CEP135: variants seen among roughly 807,000 people sequenced by gnomAD.
CEP135 encodes the protein centrosomal protein of 135 kDa.
In CEP135, 142 loss-of-function variants were observed where a neutral mutation model predicts 157.3. That is an observed-to-expected ratio of 0.90 (90% CI 0.79 to 1.04). The LOEUF (loss-of-function observed/expected upper bound fraction) is 1.04. Among genes scored for constraint, CEP135 ranks in the 50% least tolerant of loss-of-function variants. CEP135 has a pLI of 0.00. For missense variants in CEP135, 1,317 were observed against 1,309.2 expected, an observed-to-expected ratio of 1.01 and a Z score of -0.09; for synonymous variants, 396 against 439.8, an observed-to-expected ratio of 0.90 and a Z score of 1.25.
intron 13 of CEP135, among the ~76,000 whole-genome samples, chr4:55,983,986 C>G (rs1282497526): frequency 6.6e-6 from 1 of 152,202 alleles, no homozygotes; most frequent in Non-Finnish European, 1.5e-5. Context: ...TCCCCTGCTA[C>G]CATCCTGTTC....
chr4:55,961,101 C>CAA (rs59483327), intron 6 of CEP135, among the ~76,000 whole-genome samples: 110 of 69,928 alleles, frequency 1.6e-3, no homozygotes, highest in African/African-American at 4.1e-3. Context: ...GACTCTGTCT[C>CAA]AAAAAAAAAA....
chr4:56,001,980 T>C (rs1428308397), intron 17 of CEP135, among the ~76,000 whole-genome samples: 1 of 152,124 alleles, frequency 6.6e-6, no homozygotes, highest in Non-Finnish European at 1.5e-5. Flanking sequence ...GTTAAATTGA[T>C]TCCTGGGTGT....
rs754314291 is a variant in CEP135, at chr4:55,954,278, C to G, written c.367C>G (p.Gln123Glu). 1 of 1,609,020 alleles carries G rather than the reference C, an allele frequency of 6.2e-7. No homozygotes were observed. The highest frequency in any genetic ancestry group is 8.5e-7 in the Non-Finnish European group (1 of 1,177,890). Residue 123 changes from glutamine to glutamate, a missense_variant, in exon 4 of 26, where the codon CAA becomes GAA. Coordinates refer to ENST00000257287, the MANE Select transcript of CEP135 (RefSeq NM_025009.5). ...ETADLKFLNN[Q>E]YAHKLKLLEK... ...AGCTGATCTGAAATTTCTGAATAAC[C>G]AATATGCTCATAAACTCAAACTGTT...
At chr4:56,012,686 A>G (rs1439363922) in intron 21 of CEP135, among the ~76,000 whole-genome samples, 1 of 152,210 alleles carries the variant, frequency 6.6e-6, no homozygotes, top group Non-Finnish European at 1.5e-5. Context: ...CTTTACCTCA[A>G]GGTTCATCCA....
chr4:55,992,971 C>T (rs184214778), intron 15 of CEP135, among the ~76,000 whole-genome samples: 3 of 152,256 alleles, frequency 2.0e-5, no homozygotes, highest in East Asian at 3.9e-4. Flanking sequence ...CTCTAAATTA[C>T]ATTTGCAGTC....
chr4:55,978,215 A>G (rs1261899511), intron 11 of CEP135, among the ~76,000 whole-genome samples: 3 of 152,178 alleles, frequency 2.0e-5, no homozygotes, highest in South Asian at 2.1e-4. Context: ...TGGGTACCAT[A>G]CTAGACACTG....
At chr4:55,970,364 G>C (rs1165494309) in intron 9 of CEP135, among the ~76,000 whole-genome samples, 1 of 152,164 alleles carries the variant, frequency 6.6e-6, no homozygotes, top group Non-Finnish European at 1.5e-5. Flanking sequence ...TAGAAACTGG[G>C]TAGTCACCCA....
chr4:55,953,655 A>T (rs1184743219), intron 3 of CEP135, among the ~76,000 whole-genome samples: 1 of 152,216 alleles, frequency 6.6e-6, no homozygotes, highest in Non-Finnish European at 1.5e-5. Context: ...AGAATTAAAA[A>T]TTTAATTAAA....
chr4:55,998,535 C>T (rs1289986563), intron 15 of CEP135, among the ~76,000 whole-genome samples: 3 of 152,032 alleles, frequency 2.0e-5, no homozygotes, highest in Non-Finnish European at 4.4e-5. Flanking sequence ...TTTGACTACC[C>T]GGCCAAAAAG....
At chr4:55,997,174 A>G (rs997352603) in intron 15 of CEP135, among the ~76,000 whole-genome samples, 4 of 152,176 alleles carry the variant, frequency 2.6e-5, no homozygotes, top group East Asian at 1.9e-4. Context: ...ATTCTTTCCT[A>G]TGACTTTTAC....
In CEP135 at chr4:56,019,539, C is replaced by A; in HGVS notation, c.3199C>A (p.Leu1067Ile). 1 of 1,609,822 alleles carries A rather than the reference C, an allele frequency of 6.2e-7. No homozygotes were observed. Residue 1067 changes from leucine to isoleucine, a missense_variant, in exon 23 of 26, where the codon CTT (leucine) becomes ATT (isoleucine). Transcript: ENST00000257287. ...EIQLLKEKLTLSESKLTSQSR... is the reference protein window; with the variant it reads ...EIQLLKEKLTISESKLTSQSR... ...CCAGCTACTTAAGGAGAAGTTAACC[C>A]TTTCTGAAAGCAAATTGTAAGTGTC...
chr4:55,966,610 G>A (rs996138866), intron 8 of CEP135: 3 of 152,420 alleles, frequency 2.0e-5, no homozygotes, highest in African/African-American at 7.2e-5. Context: ...TCAGCCTCCT[G>A]AGTAGCTGGG....
intron 13 of CEP135, 148 bp from the exon 14 acceptor site, chr4:55,985,133 T>C (rs1047374029): frequency 6.5e-6 from 3 of 459,844 alleles, no homozygotes; most frequent in East Asian, 6.4e-5. Context: ...TTTTGTAAAA[T>C]GTCTAATGAT....
intron 12 of CEP135, among the ~76,000 whole-genome samples, chr4:55,980,851 G>A (rs1207143504): frequency 6.6e-6 from 1 of 152,142 alleles, no homozygotes; most frequent in Non-Finnish European, 1.5e-5. Context: ...AGGGGAAGAG[G>A]CATGCAAGTT....
At chr4:56,018,611 T>TA (rs1476559858) in intron 22 of CEP135, among the ~76,000 whole-genome samples, 1 of 151,870 alleles carries the variant, frequency 6.6e-6, no homozygotes, top group Non-Finnish European at 1.5e-5. Flanking sequence ...TACAAAGAAT[T>TA]AGTCAGGCAT....
chr4:56,029,951 T>C (rs887307297), intron 25 of CEP135, among the ~76,000 whole-genome samples: 15 of 152,232 alleles, frequency 9.9e-5, no homozygotes, highest in African/African-American at 3.4e-4. Context: ...TATACTTAGC[T>C]ACAATAAATT....
intron 8 of CEP135, among the ~76,000 whole-genome samples, chr4:55,967,104 T>A (rs1034495619): frequency 1.3e-5 from 2 of 151,960 alleles, no homozygotes; most frequent in Non-Finnish European, 2.9e-5. Context: ...AGAGTGAATT[T>A]TTTTTTATTT....
At chr4:56,028,869 TGCCTGGA>T (rs1731240031) in intron 25 of CEP135, among the ~76,000 whole-genome samples, 1 of 152,164 alleles carries the variant, frequency 6.6e-6, no homozygotes, top group African/African-American at 2.4e-5. Flanking sequence ...TGACATTATC[TGCCTGGA>T]GATAGTGTCA....
rs1730439031 is a variant in CEP135 at position 56,008,476 on chromosome 4, TC to T, written c.2336+97del. 33 of 996,408 alleles carry T rather than the reference TC, an allele frequency of 3.3e-5. No individual in the cohort carries two copies. The South Asian group carries it at 4.9e-4, about 15-fold the overall frequency. 61.7% of individuals were successfully genotyped at this position (996,408 alleles called of 1,614,324 possible). A position where few individuals can be genotyped will look rare whatever the true frequency, so the allele number is the denominator to read the frequency against. The stretch of plus-strand genomic sequence containing the variant: ...GTAGCATTGCAGCAATAGAAGAATT[TC>T]CCTTTCAATTTCCCCATTTTTGTCA... On this transcript the variant is annotated intron_variant, in intron 18 of 25. Transcript: ENST00000257287.
Sources: gnomAD v4.1 joint callset for allele counts (sites outside exome capture counted in the v4.1 genomes callset) on GRCh38, gnomAD v4.1.1 for gene constraint, MANE v1.5 for transcripts, NCBI Gene and HGNC (gene_info 2026-07-23, HGNC 2026-07-21) for gene names.